The following GLMN variants were observed in gnomAD, a reference collection of about 807,000 sequenced individuals.
The protein encoded by GLMN is glomulin, FKBP associated protein.
GLMN carries 75 observed loss-of-function variants against 87.8 expected under a neutral mutation model. The ratio of observed to expected loss-of-function variants is 0.85; its 90% CI spans 0.71 to 1.04. GLMN has a LOEUF of 1.04. GLMN is among the 50% of genes least tolerant of loss of function. The probability of loss-of-function intolerance (pLI) is 0.00; values close to 1 mark genes in which losing one functional copy is unlikely to be tolerated. For synonymous variants in GLMN, 206 were observed against 221.6 expected, an observed-to-expected ratio of 0.93 and a Z score of 0.63; for missense variants, 588 against 658.8, an observed-to-expected ratio of 0.89 and a Z score of 1.18.
At position 92,271,651 on chromosome 1, in the gene GLMN, C is replaced by A; in HGVS notation, c.737G>T (p.Gly246Val). ...PFRYFASEII[G>V]FLSAIGHPFP... ...AGGGTGTCCAATTGCTGATAAAAAA[C>A]CCTATGAAATGGATAAAAAAGGAAA... Residue 246 changes from glycine to valine, a missense_variant and splice_region_variant, in exon 8 of 19, where the codon GGT (glycine) becomes GTT (valine). Coordinates refer to ENST00000370360, the MANE Select transcript of GLMN (RefSeq NM_053274.3). 1.2e-6 allele frequency: 2 copies of A among 1,608,106 alleles called. No individual in the cohort carries two copies. The highest frequency in any genetic ancestry group is 1.7e-6 in the Non-Finnish European group (2 of 1,174,762).
At chr1:92,350,478 G>T in the GLMN span, among the ~76,000 whole-genome samples, 2 of 152,282 alleles carry the variant, frequency 1.3e-5, no homozygotes, top group East Asian at 3.9e-4. Context: ...AAGTTTATCA[G>T]ACTTTACTCT....
At chr1:92,301,380 T>A, upstream of GLMN, 6 of 478,232 alleles carry the variant, frequency 1.3e-5, no homozygotes, top group Non-Finnish European at 2.2e-5. Context: ...TAAATTTAAG[T>A]GGCAAAATAG....
At chr1:92,257,837 C>T (rs1654463957) in intron 16 of GLMN, among the ~76,000 whole-genome samples, 1 of 152,132 alleles carries the variant, frequency 6.6e-6, no homozygotes, top group Non-Finnish European at 1.5e-5. Flanking sequence ...CAATACCATT[C>T]AGGACATAGA....
chr1:92,304,407 C>A, the GLMN span: 1 of 890,190 alleles, frequency 1.1e-6, no homozygotes, highest in Non-Finnish European at 1.7e-6. Context: ...AACCACTATC[C>A]TAACAAGGCA....
chr1:92,269,182 G>T (rs867043932), intron 9 of GLMN, among the ~76,000 whole-genome samples: 1 of 149,936 alleles, frequency 6.7e-6, no homozygotes, highest in Non-Finnish European at 1.5e-5. Context: ...GATTATAGGC[G>T]TGAGCCACCG....
chr1:92,362,487 C>T, the GLMN span, among the ~76,000 whole-genome samples: 7 of 152,158 alleles, frequency 4.6e-5, no homozygotes, highest in East Asian at 1.9e-4. Flanking sequence ...TCCCACCATT[C>T]GCTTTGAATG....
the GLMN span, among the ~76,000 whole-genome samples, chr1:92,338,648 AT>A: frequency 0.31 from 44,784 of 142,632 alleles, 7,169 homozygotes; most frequent in Non-Finnish European, 0.36. Context: ...CTGATCATTG[AT>A]TTTTTTTTTT....
the GLMN span, among the ~76,000 whole-genome samples, chr1:92,322,737 C>T: frequency 4.6e-5 from 7 of 151,266 alleles, no homozygotes; most frequent in Admixed American, 2.0e-4. Flanking sequence ...ATTAGCCAGG[C>T]GTGGTGGTGC....
chr1:92,314,152 C>T, the GLMN span, among the ~76,000 whole-genome samples: 1 of 152,210 alleles, frequency 6.6e-6, no homozygotes, highest in African/African-American at 2.4e-5. Context: ...TTTGCATTCA[C>T]AACTTGCGTA....
chr1:92,258,035 A>G (rs1466608141), intron 16 of GLMN, among the ~76,000 whole-genome samples: 1 of 152,202 alleles, frequency 6.6e-6, no homozygotes, highest in African/African-American at 2.4e-5. Flanking sequence ...GCTAATATCC[A>G]GAATCTACAA....
upstream of GLMN, among the ~76,000 whole-genome samples, chr1:92,302,314 A>C (rs1650906411): frequency 1.3e-5 from 2 of 151,312 alleles, no homozygotes; most frequent in Admixed American, 6.6e-5. Flanking sequence ...GAAAAAAGAA[A>C]AATGAGGATG....
chr1:92,257,179 G>T (rs1654385224), intron 16 of GLMN, among the ~76,000 whole-genome samples: 1 of 152,078 alleles, frequency 6.6e-6, no homozygotes. Flanking sequence ...AAATACCTAA[G>T]AATCCAACTT....
In GLMN at chr1:92,288,911, T is replaced by TA. The variant is rs757473461; in HGVS notation, c.632+2dup. The TA allele has an allele frequency of 1.5e-5, 21 of 1,376,330 alleles. No individual in the cohort carries two copies. The South Asian group carries it at 2.4e-4, about 16-fold the overall frequency. 85.3% of individuals were successfully genotyped at this position (1,376,330 alleles called of 1,614,324 possible). On this transcript the variant is annotated splice_region_variant and intron_variant, in intron 6 of 18. Transcript: ENST00000370360. ...TGTGAGATGTTCTTAAAATTATACT[T>TA]ACAATTTCAGTAATTCATCCTTTAA...
At chr1:92,260,080 T>A (rs1654830366) in intron 16 of GLMN, among the ~76,000 whole-genome samples, 1 of 152,026 alleles carries the variant, frequency 6.6e-6, no homozygotes, top group African/African-American at 2.4e-5. Context: ...ACTCAGGAAG[T>A]GTCATTTTTT....
At chr1:92,246,797 G>A (rs1471483308) in intron 18 of GLMN, 151 bp from the exon 19 acceptor site, 1 of 698,488 alleles carries the variant, frequency 1.4e-6, no homozygotes, top group East Asian at 2.7e-5. Flanking sequence ...TTGGGAGGCT[G>A]AGCTGAGAGG....
At chr1:92,299,110 A>G (rs1448680958), upstream of GLMN, 3 of 1,521,366 alleles carry the variant, frequency 2.0e-6, no homozygotes, top group East Asian at 7.7e-5. Context: ...TGCCGGCCGC[A>G]AGGCCGGGGC....
intron 9 of GLMN, among the ~76,000 whole-genome samples, chr1:92,268,973 C>T (rs1452820891): frequency 1.3e-5 from 2 of 148,368 alleles, no homozygotes; most frequent in Admixed American, 6.8e-5. Flanking sequence ...GGCTGGACTG[C>T]AGTGGCATGA....
the GLMN span, among the ~76,000 whole-genome samples, chr1:92,331,474 A>T: frequency 2.2e-4 from 34 of 152,108 alleles, no homozygotes; most frequent in African/African-American, 7.7e-4. Flanking sequence ...CCTCTGTTAA[A>T]TTGTTTTTAT....
At chr1:92,341,437 A>G in the GLMN span, among the ~76,000 whole-genome samples, 9 of 152,226 alleles carry the variant, frequency 5.9e-5, no homozygotes, top group African/African-American at 2.4e-5. Flanking sequence ...ACAATAGGAA[A>G]AATATGAAAA....
Sources: allele counts gnomAD v4.1 joint callset (sites outside exome capture counted in the v4.1 genomes callset), GRCh38; gene constraint gnomAD v4.1.1; transcripts MANE v1.5; gene names NCBI Gene and HGNC (gene_info 2026-07-23, HGNC 2026-07-21).